Variants in DCBLD1 observed in about 807,000 individuals in gnomAD.
DCBLD1 encodes discoidin, CUB and LCCL domain containing 1, also known as discoidin, CUB and LCCL domain-containing protein 1.
Under a neutral mutation model 71.5 loss-of-function variants are expected in DCBLD1, and 57 were observed. That is an observed-to-expected ratio of 0.80 (90% CI 0.64 to 0.99). The LOEUF (loss-of-function observed/expected upper bound fraction) is 0.99, where lower values mean the gene tolerates loss of function less well. Among genes scored for constraint, DCBLD1 ranks in the 50% least tolerant of loss-of-function variants. The pLI, the probability that DCBLD1 is intolerant of heterozygous loss-of-function variation, is 0.00. For missense variants in DCBLD1, 891 were observed against 923.5 expected (o/e 0.96, Z 0.46); for synonymous variants, 380 against 363.8 (o/e 1.04, Z -0.51).
intron 5 of DCBLD1, among the ~76,000 whole-genome samples, chr6:117,528,083 G>A (rs73512267): frequency 1.3e-5 from 2 of 152,292 alleles, no homozygotes; most frequent in African/African-American, 4.8e-5. Context: ...AATAGAGACA[G>A]TAAACATGTA....
rs530172221 is a variant in DCBLD1 at position 117,528,157 on chromosome 6, C to A, written c.585+2723C>A. Among the ~76,000 whole-genome samples the A allele has an allele frequency of 2.0e-5, 3 of 152,158 alleles. No homozygotes were observed. The East Asian group carries it at 5.8e-4, about 29-fold the overall frequency. ...CCTCTTGTACACACCCAGAAAAAGCCAGAAGGAATACATTATAATGGCAAG... is the reference window on the plus strand; with the variant it reads ...CCTCTTGTACACACCCAGAAAAAGCAAGAAGGAATACATTATAATGGCAAG... On this transcript the variant is annotated intron_variant, in intron 5 of 14. Coordinates refer to ENST00000338728, the MANE Select transcript of DCBLD1 (RefSeq NM_001366458.2).
chr6:117,508,077 T>C (rs1210822822), intron 2 of DCBLD1: 1 of 152,208 alleles, frequency 6.6e-6, no homozygotes, highest in East Asian at 1.9e-4. Context: ...GCCCATGTAA[T>C]ATGAAACTTT....
intron 2 of DCBLD1, among the ~76,000 whole-genome samples, chr6:117,512,613 C>T (rs541375415): frequency 3.3e-5 from 5 of 152,244 alleles, no homozygotes; most frequent in East Asian, 1.9e-4. Flanking sequence ...ATCTGGGCCA[C>T]GAGAAGTACC....
intron 2 of DCBLD1, among the ~76,000 whole-genome samples, 174 bp from the exon 3 acceptor site, chr6:117,519,642 A>C (rs990142593): frequency 1.4e-4 from 21 of 152,210 alleles, no homozygotes; most frequent in African/African-American, 5.1e-4. Flanking sequence ...CTTAGTTCAC[A>C]ATCAGTCAGA....
chr6:117,544,105 G>A (rs1260459222), intron 12 of DCBLD1, among the ~76,000 whole-genome samples: 1 of 152,214 alleles, frequency 6.6e-6, no homozygotes, highest in Admixed American at 6.5e-5. Context: ...GGTTCAGGTA[G>A]ATATTCATAA....
intron 14 of DCBLD1, among the ~76,000 whole-genome samples, chr6:117,546,385 G>C (rs1226041813): frequency 6.6e-6 from 1 of 152,062 alleles, no homozygotes; most frequent in Non-Finnish European, 1.5e-5. Flanking sequence ...TGCAGTATAG[G>C]CATCACCTGG....
chr6:117,567,995 A>G (rs1002018110), intron 14 of DCBLD1, among the ~76,000 whole-genome samples: 1 of 146,950 alleles, frequency 6.8e-6, no homozygotes, highest in Admixed American at 6.9e-5. Flanking sequence ...ATTCTAGACC[A>G]GCCTGGGCAA....
chr6:117,538,621 T>G lies in DCBLD1; in HGVS notation c.762T>G (p.Gly254=). The change falls in exon 8 of 15, where the codon GGT becomes GGG. Residue 254 remains glycine, a splice_region_variant and synonymous_variant. Coordinates refer to ENST00000338728, the MANE Select transcript of DCBLD1 (RefSeq NM_001366458.2). ...TATCTTACTGCACTCTTTTTTCAGG[T>G]TGCAGCAGATCCTTGAGTTTTGAAC... ...SDKRFLFTSN[G]CSRSLSFEPD... 1 of 1,614,034 alleles carries G rather than the reference T, an allele frequency of 6.2e-7. No homozygotes were observed. Among genetic ancestry groups the G allele is most frequent in the South Asian group, 1.1e-5 (1 of 91,048 alleles).
At chr6:117,504,931 A>G (rs976671112) in intron 2 of DCBLD1, among the ~76,000 whole-genome samples, 1 of 152,178 alleles carries the variant, frequency 6.6e-6, no homozygotes, top group Non-Finnish European at 1.5e-5. Context: ...TCAAACACAC[A>G]CAGCTTTCTC....
intron 14 of DCBLD1, among the ~76,000 whole-genome samples, chr6:117,565,877 A>C (rs748979881): frequency 4.6e-5 from 7 of 152,200 alleles, no homozygotes; most frequent in Non-Finnish European, 8.8e-5. Context: ...TGGCTAGTTC[A>C]GTCACTTATG....
intron 1 of DCBLD1, among the ~76,000 whole-genome samples, chr6:117,487,814 A>G (rs1039353531): frequency 1.3e-5 from 2 of 150,570 alleles, no homozygotes; most frequent in Non-Finnish European, 3.0e-5. Context: ...TTTTTTTTTC[A>G]TTAGACTGAG....
chr6:117,521,063 A>C (rs971337167), intron 3 of DCBLD1, among the ~76,000 whole-genome samples: 33 of 152,212 alleles, frequency 2.2e-4, no homozygotes, highest in African/African-American at 8.0e-4. Flanking sequence ...GAAAGCTTAT[A>C]TGCTGTAGGT....
intron 14 of DCBLD1, chr6:117,562,891 G>A (rs1779615305): frequency 1.3e-5 from 3 of 237,504 alleles, no homozygotes; most frequent in African/African-American, 4.4e-5. Context: ...ATTTTAAAGG[G>A]TACTCCTTAT....
At chr6:117,542,602 T>A (rs370042535) in intron 11 of DCBLD1, among the ~76,000 whole-genome samples, 9 of 152,114 alleles carry the variant, frequency 5.9e-5, no homozygotes, top group Non-Finnish European at 8.8e-5. Context: ...AAATGCAGTT[T>A]TAGGTCATCA....
chr6:117,557,788 T>C (rs912116978), intron 14 of DCBLD1, among the ~76,000 whole-genome samples: 1 of 152,112 alleles, frequency 6.6e-6, no homozygotes, highest in Non-Finnish European at 1.5e-5. Context: ...ATAAAAAATA[T>C]AAAATTCAGT....
chr6:117,491,778 C>T (rs926904603), intron 1 of DCBLD1, among the ~76,000 whole-genome samples: 37 of 152,050 alleles, frequency 2.4e-4, no homozygotes, highest in African/African-American at 8.0e-4. Context: ...TCTTTTCCTG[C>T]GAGGAAACCA....
At chr6:117,525,870 G>A (rs1421815953) in intron 5 of DCBLD1, among the ~76,000 whole-genome samples, 1 of 152,134 alleles carries the variant, frequency 6.6e-6, no homozygotes, top group Non-Finnish European at 1.5e-5. Flanking sequence ...TGCAAACCAA[G>A]TTCTTATGTC....
chr6:117,500,724 G>A (rs902528975), intron 1 of DCBLD1, among the ~76,000 whole-genome samples: 90 of 152,130 alleles, frequency 5.9e-4, no homozygotes, highest in Middle Eastern at 3.4e-3. Flanking sequence ...AAAATTAGCC[G>A]TACGTAAATG....
chr6:117,529,298 A>G (rs557572717), intron 5 of DCBLD1, among the ~76,000 whole-genome samples: 39 of 123,326 alleles, frequency 3.2e-4, no homozygotes, highest in African/African-American at 1.3e-3. Flanking sequence ...CGGAGGACAG[A>G]AAGTATTTAA....
Sources: allele counts gnomAD v4.1 joint callset (sites outside exome capture counted in the v4.1 genomes callset), GRCh38; gene constraint gnomAD v4.1.1; transcripts MANE v1.5; gene names NCBI Gene and HGNC (gene_info 2026-07-23, HGNC 2026-07-21).